HLA-DRA: variants seen among roughly 807,000 people sequenced by gnomAD.
The protein encoded by HLA-DRA is major histocompatibility complex, class II, DR alpha, also known as HLA class II histocompatibility antigen, DR alpha chain.
In HLA-DRA, 8 loss-of-function variants were observed where a neutral mutation model predicts 22.1. The observed-to-expected ratio is 0.36, with a 90% confidence interval of 0.21 to 0.65. The LOEUF (loss-of-function observed/expected upper bound fraction) is 0.65, where lower values mean the gene tolerates loss of function less well. Among genes scored for constraint, HLA-DRA ranks in the 30% least tolerant of loss-of-function variants. The probability of loss-of-function intolerance (pLI) is 0.63; values close to 1 mark genes in which losing one functional copy is unlikely to be tolerated. For synonymous variants in HLA-DRA, 101 were observed against 117.1 expected (o/e 0.86, Z 0.89); for missense variants, 248 against 321.3 (o/e 0.77, Z 1.74).
At chr6:32,443,517 C>A in intron 3 of HLA-DRA, 51 bp downstream of exon 3, 1 of 1,514,370 alleles carries the variant, frequency 6.6e-7, no homozygotes, top group Non-Finnish European at 9.1e-7. Context: ...TCCTATGATG[C>A]TTGTGTGAAA....
intron 3 of HLA-DRA, 68 bp from the exon 4 acceptor site, chr6:32,443,688 T>C: frequency 1.4e-6 from 2 of 1,402,890 alleles, no homozygotes; most frequent in Non-Finnish European, 1.9e-6. Flanking sequence ...TTAAGAACCC[T>C]ACATTTGATT....
chr6:32,443,962 T>A, intron 4 of HLA-DRA, 41 bp downstream of exon 4: 7 of 1,390,950 alleles, frequency 5.0e-6, no homozygotes, highest in Non-Finnish European at 6.7e-6. Flanking sequence ...TATGGAGATA[T>A]CTGAGGGAGG....
Position 32,442,622 on chromosome 6 carries a change from C to T in HLA-DRA, c.257C>T (p.Ala86Val). 2 of 1,612,992 alleles carry T rather than the reference C, an allele frequency of 1.2e-6. No individual in the cohort carries two copies. Among genetic ancestry groups the T allele is most frequent in the Non-Finnish European group, 1.7e-6 (2 of 1,180,020 alleles). Residue 86 changes from alanine (A) to valine (V), a missense_variant, in exon 2 of 5, where the codon GCC becomes GTC. Ala to Val is a moderately conservative substitution (Grantham distance 64). Coordinates refer to ENST00000395388, the MANE Select transcript of HLA-DRA (RefSeq NM_019111.5). ...AGCTTTGAGGCTCAAGGTGCATTGGCCAACATAGCTGTGGACAAAGCCAAC... is the reference window on the plus strand; with the variant it reads ...AGCTTTGAGGCTCAAGGTGCATTGGTCAACATAGCTGTGGACAAAGCCAAC... ...FASFEAQGAL[A>V]NIAVDKANLE...
chr6:32,440,994 TTG>T (rs1762580588), intron 1 of HLA-DRA, among the ~76,000 whole-genome samples: 1 of 152,240 alleles, frequency 6.6e-6, no homozygotes, highest in African/African-American at 2.4e-5. Context: ...GCTAGTATAT[TTG>T]TGTGTGTTTG....
rs1370812510 is a variant in HLA-DRA at position 32,442,429 on chromosome 6, T to C, written c.83-19T>C. The C allele has an allele frequency of 6.2e-7, 1 of 1,612,804 alleles. No individual in the cohort carries two copies. Among genetic ancestry groups the C allele is most frequent in the Admixed American group, 1.7e-5 (1 of 60,018 alleles). ...GATTCCCCCCACCCAACTCTCTTTC[T>C]CCATTTCTTGCCTTTCAGAAGAACA... is the stretch of plus-strand genomic sequence containing the variant. On this transcript the variant is annotated intron_variant, in intron 1 of 4. Transcript: ENST00000395388.
Position 32,443,209 on chromosome 6 carries a change from C to T in HLA-DRA, c.353C>T (p.Thr118Ile), listed in dbSNP as rs1407197550. 1.2e-6 allele frequency: 2 copies of T among 1,612,568 alleles called. No individual in the cohort carries two copies. The highest frequency in any genetic ancestry group is 1.1e-5 in the South Asian group (1 of 91,060). ...TNVPPEVTVL[T>I]NSPVELREPN... ...GTACCTCCAGAGGTAACTGTGCTCA[C>T]AAACAGCCCTGTGGAACTGAGAGAG... The change falls in exon 3 of 5, where the codon ACA (threonine) becomes ATA (isoleucine). Residue 118 changes from threonine (T) to isoleucine (I), a missense_variant. By Grantham distance (89) the Thr-to-Ile change is moderately conservative. Coordinates refer to ENST00000395388, the MANE Select transcript of HLA-DRA (RefSeq NM_019111.5).
intron 1 of HLA-DRA, 65 bp from the exon 2 acceptor site, chr6:32,442,383 G>C (rs1426333001): frequency 6.4e-6 from 8 of 1,259,480 alleles, no homozygotes; most frequent in Non-Finnish European, 7.7e-6. Flanking sequence ...CATGTATGTA[G>C]GTTATTCATT....
chr6:32,441,742 C>T (rs1762634166), intron 1 of HLA-DRA, among the ~76,000 whole-genome samples: 1 of 152,038 alleles, frequency 6.6e-6, no homozygotes, highest in Non-Finnish European at 1.5e-5. Context: ...TAGATTTGGC[C>T]CTTAAATAAA....
chr6:32,441,440 ACTCCACAGAGGCAGCATACT>A (rs1762614777), intron 1 of HLA-DRA, among the ~76,000 whole-genome samples: 1 of 151,668 alleles, frequency 6.6e-6, no homozygotes, highest in Admixed American at 6.6e-5. Context: ...TCATCGATAC[ACTCCACAGAGGCAGCATACT>A]CTCCCAGTGT....
At chr6:32,442,995 C>A (rs966331223) in intron 2 of HLA-DRA, among the ~76,000 whole-genome samples, 190 bp from the exon 3 acceptor site, 1 of 152,066 alleles carries the variant, frequency 6.6e-6, no homozygotes, top group Admixed American at 6.5e-5. Flanking sequence ...GGCTCAATTT[C>A]TTGGGGAGGG....
chr6:32,443,798 T>C lies in HLA-DRA; in HGVS notation c.653T>C (p.Val218Ala), dbSNP rs1287431686. Reference sequence around the variant, plus strand: ...CCTCTCCCAGAGACTACAGAGAACGTGGTGTGTGCCCTGGGCCTGACTGTG... The same window carrying C: ...CCTCTCCCAGAGACTACAGAGAACGCGGTGTGTGCCCTGGGCCTGACTGTG... ...PSPLPETTEN[V>A]VCALGLTVGL... is the part of the protein sequence containing the mutation. The change falls in exon 4 of 5, where the codon GTG becomes GCG. Residue 218 changes from valine (V) to alanine (A), a missense_variant. Transcript: ENST00000395388. The C allele has an allele frequency of 3.7e-6, 6 of 1,611,224 alleles. No individual in the cohort carries two copies. Among genetic ancestry groups the C allele is most frequent in the Admixed American group, 3.4e-5 (2 of 59,662 alleles).
In HLA-DRA at chr6:32,440,019, A is replaced by G. The variant is rs772938215; in HGVS notation, c.69A>G (p.Ser23=). Residue 23 remains serine, a synonymous_variant, in exon 1 of 5, where the codon TCA becomes TCG. Transcript: ENST00000395388. ...CTGTGCTGATGAGCGCTCAGGAATC[A>G]TGGGCTATCAAAGGTAGGTGCTGAG... ...IIAVLMSAQE[S]WAIKEEHVII... is the part of the protein sequence containing the mutation. The G allele has an allele frequency of 3.7e-6, 6 of 1,614,012 alleles. No homozygotes were observed. The highest frequency in any genetic ancestry group is 5.1e-6 in the Non-Finnish European group (6 of 1,179,882).
In HLA-DRA at chr6:32,443,268, A is replaced by G. The variant is rs1482527883; in HGVS notation, c.412A>G (p.Thr138Ala). Residue 138 changes from threonine to alanine, a missense_variant, in exon 3 of 5, where the codon ACC (threonine) becomes GCC (alanine). Coordinates refer to ENST00000395388, the MANE Select transcript of HLA-DRA (RefSeq NM_019111.5). ...NVLICFIDKF[T>A]PPVVNVTWLR... Reference sequence around the variant, plus strand: ...CCTCATCTGTTTCATAGACAAGTTCACCCCACCAGTGGTCAATGTCACGTG... The same window carrying G: ...CCTCATCTGTTTCATAGACAAGTTCGCCCCACCAGTGGTCAATGTCACGTG... 4.3e-6 allele frequency: 7 copies of G among 1,612,934 alleles called. No homozygotes were observed. Among genetic ancestry groups the G allele is most frequent in the Non-Finnish European group, 5.1e-6 (6 of 1,179,940 alleles).
chr6:32,440,022 G>C lies in HLA-DRA; in HGVS notation c.72G>C (p.Trp24Cys). The change falls in exon 1 of 5, where the codon TGG (tryptophan) becomes TGC (cysteine). Residue 24 changes from tryptophan (W) to cysteine (C), a missense_variant. Coordinates refer to ENST00000395388, the MANE Select transcript of HLA-DRA (RefSeq NM_019111.5). ...IAVLMSAQES[W>C]AIKEEHVIIQ... ...TGCTGATGAGCGCTCAGGAATCATGGGCTATCAAAGGTAGGTGCTGAGGGA... is the reference window on the plus strand; with the variant it reads ...TGCTGATGAGCGCTCAGGAATCATGCGCTATCAAAGGTAGGTGCTGAGGGA... 1 of 1,613,736 alleles carries C rather than the reference G, an allele frequency of 6.2e-7. No individual in the cohort carries two copies. The highest frequency in any genetic ancestry group is 8.5e-7 in the Non-Finnish European group (1 of 1,179,734).
intron 1 of HLA-DRA, among the ~76,000 whole-genome samples, chr6:32,441,395 A>T (rs1319809808): frequency 1.4e-5 from 2 of 146,632 alleles, no homozygotes; most frequent in African/African-American, 4.9e-5. Flanking sequence ...ATCTCACCTT[A>T]TCTTTGAAGA....
chr6:32,440,114 TG>T, intron 1 of HLA-DRA, 82 bp downstream of exon 1: 14 of 1,189,232 alleles, frequency 1.2e-5, no homozygotes, highest in Non-Finnish European at 1.8e-5. Flanking sequence ...GAAGATAATG[TG>T]TGGAGTGAAA....
chr6:32,441,591 T>C (rs192469923), intron 1 of HLA-DRA, among the ~76,000 whole-genome samples: 1 of 152,332 alleles, frequency 6.6e-6, no homozygotes, highest in Admixed American at 6.5e-5. Flanking sequence ...AAGGTGGAAT[T>C]GCCAAGGTCA....
intron 1 of HLA-DRA, among the ~76,000 whole-genome samples, chr6:32,440,290 G>C (rs1762534973): frequency 6.7e-6 from 1 of 148,390 alleles, no homozygotes; most frequent in South Asian, 2.2e-4. Flanking sequence ...AGCCAAACTG[G>C]GGGTGGGGGT....
intron 1 of HLA-DRA, 75 bp from the exon 2 acceptor site, chr6:32,442,373 C>G: frequency 6.4e-7 from 1 of 1,550,516 alleles, no homozygotes; most frequent in Non-Finnish European, 8.8e-7. Flanking sequence ...TTCCTGCCTA[C>G]ATGTATGTAG....
Sources: allele counts gnomAD v4.1 joint callset (sites outside exome capture counted in the v4.1 genomes callset), GRCh38; gene constraint gnomAD v4.1.1; transcripts MANE v1.5; gene names NCBI Gene and HGNC (gene_info 2026-07-23, HGNC 2026-07-21).